The following TYW3 variants were observed in gnomAD, a reference collection of about 807,000 sequenced individuals.
TYW3 encodes tRNA-yW synthesizing protein 3 homolog.
A neutral mutation model predicts 23.1 loss-of-function variants in TYW3; 26 were observed. The ratio of observed to expected loss-of-function variants is 1.13; its 90% CI spans 0.83 to 1.56. TYW3 has a LOEUF of 1.56. TYW3 is among the 40% of genes most tolerant of loss of function. TYW3 has a pLI of 0.00. For missense variants in TYW3, 316 were observed against 311.9 expected (o/e 1.01, Z -0.10); for synonymous variants, 102 against 105.7 (o/e 0.97, Z 0.21).
At chr1:74,744,285 A>G (rs1013062741) in intron 3 of TYW3, among the ~76,000 whole-genome samples, 1 of 152,178 alleles carries the variant, frequency 6.6e-6, no homozygotes, top group Non-Finnish European at 1.5e-5. Context: ...TCCCTGTTAC[A>G]GAAAAGATCA....
chr1:74,736,753 A>C lies in TYW3; in HGVS notation c.255+131A>C. ...TGGCTGAAGATTATAAAACCTAGAG[A>C]GCTTTCATTACAATGGCTCTTTTTG... On this transcript the variant is annotated intron_variant, in intron 2 of 5. Coordinates refer to ENST00000370867, the MANE Select transcript of TYW3 (RefSeq NM_138467.3). The C allele has an allele frequency of 5.9e-6, 4 of 675,562 alleles. No homozygotes were observed. In the South Asian group the frequency reaches 1.0e-4, roughly 18 times the overall value. 41.8% of individuals were successfully genotyped at this position (675,562 alleles called of 1,614,324 possible). A position where few individuals can be genotyped will look rare whatever the true frequency, so the allele number is the denominator to read the frequency against.
intron 5 of TYW3, among the ~76,000 whole-genome samples, chr1:74,760,600 T>C (rs1649108942): frequency 6.6e-6 from 1 of 152,180 alleles, no homozygotes; most frequent in South Asian, 2.1e-4. Flanking sequence ...TCATGGTGTG[T>C]TAAATGTGGC....
At chr1:74,761,866 TA>T (rs750291884) in intron 5 of TYW3, 5 of 152,024 alleles carry the variant, frequency 3.3e-5, no homozygotes, top group African/African-American at 4.8e-5. Flanking sequence ...AGCTCTGTGG[TA>T]GCAGGATATG....
chr1:74,744,426 T>A (rs1648478157), intron 3 of TYW3, among the ~76,000 whole-genome samples: 1 of 151,352 alleles, frequency 6.6e-6, no homozygotes, highest in South Asian at 2.1e-4. Flanking sequence ...GGTTTGCGGG[T>A]CAAATTGGTC....
rs1648812692 is a variant in TYW3, at chr1:74,752,326, T to C, written c.461T>C (p.Leu154Ser). ...AGTACACATGGCTTAGAAGTTCCATTAAGCCATAAGGGAAAACTGATGGTG... is the reference window on the plus strand; with the variant it reads ...AGTACACATGGCTTAGAAGTTCCATCAAGCCATAAGGGAAAACTGATGGTG... ...VRSTHGLEVP[L>S]SHKGKLMVTE... Residue 154 changes from leucine (L) to serine (S), a missense_variant, in exon 5 of 6, where the codon TTA becomes TCA. By Grantham distance (145) the Leu-to-Ser change is moderately radical (BLOSUM62 -2). Transcript: ENST00000370867. The C allele has an allele frequency of 6.2e-7, 1 of 1,612,906 alleles. No homozygotes were observed. The highest frequency in any genetic ancestry group is 8.5e-7 in the Non-Finnish European group (1 of 1,179,490).
At chr1:74,741,569 T>A (rs1648364134) in intron 3 of TYW3, among the ~76,000 whole-genome samples, 2 of 152,166 alleles carry the variant, frequency 1.3e-5, no homozygotes, top group African/African-American at 4.8e-5. Context: ...TAACACTGGA[T>A]CTCCTGGTTG....
At chr1:74,758,951 C>G (rs1461785839) in intron 5 of TYW3, among the ~76,000 whole-genome samples, 2 of 152,128 alleles carry the variant, frequency 1.3e-5, no homozygotes, top group African/African-American at 4.8e-5. Context: ...GATAAAGGAG[C>G]TTGAAAGTTA....
intron 5 of TYW3, among the ~76,000 whole-genome samples, chr1:74,755,932 G>T (rs1183789037): frequency 6.6e-6 from 1 of 152,010 alleles, no homozygotes; most frequent in Non-Finnish European, 1.5e-5. Flanking sequence ...GAATTATGGG[G>T]GCAGGTCTTT....
intron 4 of TYW3, chr1:74,750,957 C>A (rs892510666): frequency 3.3e-5 from 5 of 151,866 alleles, no homozygotes; most frequent in Non-Finnish European, 7.4e-5. Context: ...ACACACAGGC[C>A]CTTGCCACTA....
intron 5 of TYW3, among the ~76,000 whole-genome samples, chr1:74,763,672 G>T (rs1158255916): frequency 6.6e-6 from 1 of 152,042 alleles, no homozygotes; most frequent in Non-Finnish European, 1.5e-5. Flanking sequence ...AGTGAGGTAG[G>T]ACAGAGGTTG....
chr1:74,736,686 C>G, intron 2 of TYW3, 64 bp downstream of exon 2: 1 of 1,277,822 alleles, frequency 7.8e-7, no homozygotes, highest in South Asian at 1.4e-5. Context: ...ATACATATGA[C>G]AAGAATAGAA....
Position 74,764,095 on chromosome 1 carries a change from C to T in TYW3, c.762C>T (p.Ile254=). Residue 254 remains isoleucine (I), a synonymous_variant, in exon 6 of 6, where the codon ATC becomes ATT. Transcript: ENST00000370867. Reference sequence around the variant, plus strand: ...ATGATCTAGGAATCAATGTTACCATCTTCCCTGAAGATTACTAAGCTTTGG... The same window carrying T: ...ATGATCTAGGAATCAATGTTACCATTTTCCCTGAAGATTACTAAGCTTTGG... The part of the protein sequence containing the change: ...DDDDLGINVT[I]FPEDY 1.2e-6 allele frequency: 2 copies of T among 1,610,604 alleles called. No homozygotes were observed. Among genetic ancestry groups the T allele is most frequent in the Non-Finnish European group, 1.7e-6 (2 of 1,178,948 alleles).
chr1:74,737,617 CAG>C (rs1648195099), intron 2 of TYW3, among the ~76,000 whole-genome samples: 1 of 152,144 alleles, frequency 6.6e-6, no homozygotes, highest in Non-Finnish European at 1.5e-5. Context: ...GGATGCTGGG[CAG>C]ACAGAAATAA....
intron 5 of TYW3, among the ~76,000 whole-genome samples, chr1:74,754,310 A>T (rs1219547797): frequency 6.6e-6 from 1 of 152,204 alleles, no homozygotes; most frequent in African/African-American, 2.4e-5. Context: ...TTGACTCAAA[A>T]ATATGTTTTG....
chr1:74,748,213 C>T (rs1473644508), intron 3 of TYW3, among the ~76,000 whole-genome samples: 1 of 152,116 alleles, frequency 6.6e-6, no homozygotes, highest in Non-Finnish European at 1.5e-5. Flanking sequence ...TTAAGAACTA[C>T]TGAGCTGGAG....
At chr1:74,761,760 G>A (rs1006260462) in intron 5 of TYW3, 4 of 152,134 alleles carry the variant, frequency 2.6e-5, no homozygotes, top group Non-Finnish European at 5.9e-5. Context: ...TTTCATCAAT[G>A]TAAGGAACCA....
intron 4 of TYW3, among the ~76,000 whole-genome samples, chr1:74,749,192 T>C (rs1450015667): frequency 6.6e-6 from 1 of 152,178 alleles, no homozygotes; most frequent in African/African-American, 2.4e-5. Flanking sequence ...AGCTCCTCAG[T>C]CCCTCAGGGT....
chr1:74,754,357 T>C (rs1359880297), intron 5 of TYW3, among the ~76,000 whole-genome samples: 2 of 152,362 alleles, frequency 1.3e-5, no homozygotes, highest in Admixed American at 6.5e-5. Context: ...AGAGCCACGC[T>C]TATCATATAA....
chr1:74,748,169 C>T (rs1179016414), intron 3 of TYW3, among the ~76,000 whole-genome samples: 8 of 151,892 alleles, frequency 5.3e-5, no homozygotes, highest in Non-Finnish European at 8.8e-5. Context: ...TCAGATATTG[C>T]CAGATGGCCC....
Sources: gnomAD v4.1 joint callset for allele counts (sites outside exome capture counted in the v4.1 genomes callset) on GRCh38, gnomAD v4.1.1 for gene constraint, MANE v1.5 for transcripts, NCBI Gene and HGNC (gene_info 2026-07-23, HGNC 2026-07-21) for gene names.